Variants in SEMA6A observed in about 807,000 individuals in gnomAD.
SEMA6A encodes the protein semaphorin-6A.
SEMA6A carries 25 observed loss-of-function variants against 96.8 expected under a neutral mutation model. The observed-to-expected ratio is 0.26, with a 90% confidence interval of 0.19 to 0.36. The LOEUF is 0.36. Ranked by LOEUF, SEMA6A falls within the 10% of genes least tolerant of loss-of-function variation. The pLI is 1.00. For synonymous variants in SEMA6A, 612 were observed against 518.0 expected (o/e 1.18, Z -2.46); for missense variants, 1,363 against 1,323.1 (o/e 1.03, Z -0.47).
At chr5:116,477,288 C>A (rs1315500154) in intron 15 of SEMA6A, among the ~76,000 whole-genome samples, 1 of 152,190 alleles carries the variant, frequency 6.6e-6, no homozygotes, top group Non-Finnish European at 1.5e-5. Flanking sequence ...CTGGCCTCAT[C>A]TAGCTGATCT....
Position 116,504,863 on chromosome 5 carries a change from T to G in SEMA6A, c.82A>C (p.Ser28Arg). 6.2e-7 allele frequency: 1 copy of G among 1,600,666 alleles called. No homozygotes were observed. Among genetic ancestry groups the G allele is most frequent in the Non-Finnish European group, 8.5e-7 (1 of 1,173,332 alleles). The change falls in exon 2 of 19, where the codon AGT becomes CGT. Residue 28 changes from serine to arginine, a missense_variant. By Grantham distance (110) the Ser-to-Arg change is moderately radical (BLOSUM62 -1). Around this residue, in one of 2 missense-constraint regions of SEMA6A, gnomAD observed 480 missense variants for 559.5 expected, o/e 0.86. Coordinates refer to ENST00000343348, the MANE Select transcript of SEMA6A (RefSeq NM_020796.5). The part of the protein sequence containing the change: ...AGFPEDSEPI[S>R]ISHGNYTKQY... The stretch of plus-strand genomic sequence containing the variant: ...TACTTACAGTTGCCATGCGAAATAC[T>G]GATTGGCTCAGAATCTTCTGGGAAA...
At chr5:116,487,367 A>G (rs1757109577) in intron 9 of SEMA6A, 1 of 181,374 alleles carries the variant, frequency 5.5e-6, no homozygotes, top group Non-Finnish European at 1.2e-5. Context: ...TTACCCTCCA[A>G]CTTAGGGACC....
intron 12 of SEMA6A, among the ~76,000 whole-genome samples, chr5:116,479,856 T>C (rs1756661659): frequency 6.6e-6 from 1 of 152,174 alleles, no homozygotes; most frequent in African/African-American, 2.4e-5. Flanking sequence ...ATTGGATCAA[T>C]GGGCTAATCC....
intron 18 of SEMA6A, among the ~76,000 whole-genome samples, chr5:116,462,993 T>TA (rs373356399): frequency 1.3e-4 from 20 of 150,926 alleles, no homozygotes; most frequent in South Asian, 2.1e-4. Context: ...TTATCACAAA[T>TA]AAAAAAAAAG....
At chr5:116,482,326 C>T (rs1482782581) in intron 11 of SEMA6A, 118 bp downstream of exon 11, 23 of 1,106,412 alleles carry the variant, frequency 2.1e-5, no homozygotes, top group East Asian at 2.6e-5. Flanking sequence ...GAGATGAAGG[C>T]AATCTGCTTG....
At chr5:116,504,337 G>A (rs1758038341) in intron 2 of SEMA6A, among the ~76,000 whole-genome samples, 1 of 152,206 alleles carries the variant, frequency 6.6e-6, no homozygotes, top group South Asian at 2.1e-4. Flanking sequence ...GAGACCAAAG[G>A]AAAGTTATAA....
At chr5:116,497,284 C>G in intron 4 of SEMA6A, 43 bp downstream of exon 4, 1 of 1,227,162 alleles carries the variant, frequency 8.1e-7, no homozygotes, top group Non-Finnish European at 1.2e-6. Flanking sequence ...AAGAACTATC[C>G]AAAGGTCCTT....
At chr5:116,497,814 A>G (rs1033902658) in intron 3 of SEMA6A, among the ~76,000 whole-genome samples, 3 of 152,228 alleles carry the variant, frequency 2.0e-5, no homozygotes, top group African/African-American at 7.2e-5. Flanking sequence ...GGCTAACAAA[A>G]AAAATGATCT....
At chr5:116,505,580 G>T (rs1580449847) in intron 1 of SEMA6A, among the ~76,000 whole-genome samples, 1 of 151,946 alleles carries the variant, frequency 6.6e-6, no homozygotes, top group African/African-American at 2.4e-5. Context: ...AGTGACTTAG[G>T]CATAAATAAA....
intron 8 of SEMA6A, among the ~76,000 whole-genome samples, chr5:116,488,613 G>C (rs935194072): frequency 6.6e-6 from 1 of 152,086 alleles, no homozygotes; most frequent in African/African-American, 2.4e-5. Flanking sequence ...TTTTCATGCA[G>C]AACTCAGAAA....
chr5:116,466,075 A>G (rs1238496095), intron 18 of SEMA6A, among the ~76,000 whole-genome samples: 2 of 150,828 alleles, frequency 1.3e-5, no homozygotes, highest in Non-Finnish European at 1.5e-5. Flanking sequence ...AAAAAAAAAA[A>G]AAAAAAAAGA....
chr5:116,470,832 G>A (rs1005698265), intron 17 of SEMA6A, among the ~76,000 whole-genome samples: 2 of 152,146 alleles, frequency 1.3e-5, no homozygotes, highest in Non-Finnish European at 2.9e-5. Context: ...GAAACAGTGT[G>A]CATGCACTTT....
At chr5:116,560,510 G>A (rs1760779667) in intron 1 of SEMA6A, among the ~76,000 whole-genome samples, 2 of 151,146 alleles carry the variant, frequency 1.3e-5, no homozygotes, top group African/African-American at 4.9e-5. Context: ...TTTTGTCAGA[G>A]GGAAGATCCA....
At chr5:116,492,920 A>C (rs1200463747) in intron 6 of SEMA6A, among the ~76,000 whole-genome samples, 2 of 152,208 alleles carry the variant, frequency 1.3e-5, no homozygotes, top group African/African-American at 4.8e-5. Context: ...AGCCAAATAC[A>C]TTATGTCCCA....
chr5:116,503,452 C>T (rs1351140302), intron 2 of SEMA6A, among the ~76,000 whole-genome samples: 5 of 151,946 alleles, frequency 3.3e-5, no homozygotes, highest in Admixed American at 1.3e-4. Context: ...AATGTCTCTA[C>T]GATCATGGAT....
chr5:116,478,741 CTTA>C (rs775163181), intron 12 of SEMA6A, 23 bp from the exon 13 acceptor site: 12 of 1,606,582 alleles, frequency 7.5e-6, no homozygotes, highest in Non-Finnish European at 1.0e-5. Context: ...GACCACATTT[CTTA>C]TCTCTTTGTT....
At chr5:116,490,446 G>A (rs1253166700) in intron 7 of SEMA6A, among the ~76,000 whole-genome samples, 1 of 152,136 alleles carries the variant, frequency 6.6e-6, no homozygotes, top group Non-Finnish European at 1.5e-5. Flanking sequence ...CATTCTCCAA[G>A]GCCCCAACTA....
At chr5:116,517,512 C>T (rs1270588956) in intron 1 of SEMA6A, among the ~76,000 whole-genome samples, 2 of 151,992 alleles carry the variant, frequency 1.3e-5, no homozygotes, top group Non-Finnish European at 2.9e-5. Context: ...AAGTGTATGT[C>T]GTATCATACT....
intron 1 of SEMA6A, among the ~76,000 whole-genome samples, chr5:116,566,951 G>C (rs539903098): frequency 6.6e-6 from 1 of 152,128 alleles, no homozygotes; most frequent in African/African-American, 2.4e-5. Context: ...ATCAGCAGCC[G>C]AGTTTCTCTC....
Sources: allele counts gnomAD v4.1 joint callset (sites outside exome capture counted in the v4.1 genomes callset), GRCh38; gene constraint gnomAD v4.1.1; regional missense constraint gnomAD v4.1.1; transcripts MANE v1.5; gene names NCBI Gene and HGNC (gene_info 2026-07-23, HGNC 2026-07-21).